Variants in MACROD1 observed in about 807,000 individuals in gnomAD.
MACROD1 encodes ADP-ribose glycohydrolase MACROD1.
In MACROD1, 31 loss-of-function variants were observed where a neutral mutation model predicts 41.4. The ratio of observed to expected loss-of-function variants is 0.75; its 90% confidence interval spans 0.56 to 1.01. The LOEUF is 1.01. MACROD1 is among the 50% of genes least tolerant of loss of function. The probability of loss-of-function intolerance (pLI) is 0.00; values close to 1 mark genes in which losing one functional copy is unlikely to be tolerated. For synonymous variants in MACROD1, 252 were observed against 203.4 expected (o/e 1.24, Z -2.03); for missense variants, 473 against 460.0 (o/e 1.03, Z -0.26).
chr11:63,999,440 TG>T, intron 7 of MACROD1, 36 bp from the exon 8 acceptor site: 1 of 1,558,404 alleles, frequency 6.4e-7, no homozygotes, highest in Non-Finnish European at 8.7e-7. Context: ...TCCTAGGCTC[TG>T]GCCCCGCCCA....
At chr11:64,008,422 C>T (rs1201590584) in intron 4 of MACROD1, among the ~76,000 whole-genome samples, 7 of 2,566 alleles carry the variant, frequency 2.7e-3, no homozygotes, top group Admixed American at 0.012. Context: ...GGTTAGGGTG[C>T]GGGCGCGGGA....
intron 3 of MACROD1, among the ~76,000 whole-genome samples, chr11:64,110,258 TG>T (rs1944837263): frequency 6.6e-6 from 1 of 152,022 alleles, no homozygotes; most frequent in South Asian, 2.1e-4. Context: ...AAGACCAGCC[TG>T]GGCAACATAG....
intron 3 of MACROD1, among the ~76,000 whole-genome samples, chr11:64,119,831 T>C (rs1727729941): frequency 6.6e-6 from 1 of 152,094 alleles, no homozygotes; most frequent in Non-Finnish European, 1.5e-5. Flanking sequence ...TGGTGAGCCA[T>C]GAGATTAAAA....
At chr11:64,060,961 C>CCCGGGCCGCCAGGCGA (rs1943890633) in intron 3 of MACROD1, among the ~76,000 whole-genome samples, 2 of 151,848 alleles carry the variant, frequency 1.3e-5, no homozygotes, top group South Asian at 4.1e-4. Flanking sequence ...CGGCGGGGCT[C>CCCGGGCCGCCAGGCGA]CCGGGCCGCC....
At position 64,096,966 on chromosome 11, in the gene MACROD1, C is replaced by T. The variant is rs1278825583; in HGVS notation, c.517+54273G>A. On this transcript the variant is annotated intron_variant, in intron 3 of 10. Transcript: ENST00000255681. The surrounding 1 kb of genome is among the most constrained non-coding windows in gnomAD (Gnocchi z 4.6). The stretch of plus-strand genomic sequence containing the variant: ...CACCCACTCTCTCAGCGTCTGGGCC[C>T]GGGAGTTCCTGCCTACCCTTGCTGG... Among the ~76,000 whole-genome samples the T allele has an allele frequency of 1.3e-5, 2 of 152,240 alleles. No homozygotes were observed. The highest frequency in any genetic ancestry group is 2.1e-4 in the South Asian group (1 of 4,828).
chr11:64,000,497 C>A (rs1219683991), intron 4 of MACROD1, among the ~76,000 whole-genome samples, 154 bp from the exon 5 acceptor site: 1 of 152,094 alleles, frequency 6.6e-6, no homozygotes, highest in Non-Finnish European at 1.5e-5. Context: ...TGCCCCCACC[C>A]CCGCCCGGAA....
Position 64,041,454 on chromosome 11 carries a change from TGAG to T in MACROD1, c.518-26176_518-26174del, listed in dbSNP as rs201575750. ...TTCCTGGGGGAGGTCAGCCAGGGGC[TGAG>T]GAGGAGAGGAGAGCTCAGGGGAGTG... On this transcript the variant is annotated intron_variant, in intron 3 of 10. Coordinates refer to ENST00000255681, the MANE Select transcript of MACROD1 (RefSeq NM_014067.4). 7.5e-3 allele frequency among the ~76,000 whole-genome samples: 1,134 copies of T among 151,390 alleles called. 16 individuals carry two copies. Among genetic ancestry groups the T allele is most frequent in the African/African-American group, 0.026 (1,080 of 41,192 alleles).
chr11:64,011,915 G>A (rs896302648), intron 4 of MACROD1, among the ~76,000 whole-genome samples: 1 of 151,994 alleles, frequency 6.6e-6, no homozygotes, highest in African/African-American at 2.4e-5. Flanking sequence ...GAGGAGCAGG[G>A]GTATAGGGGA....
At chr11:64,086,721 AG>A (rs1264777525) in intron 3 of MACROD1, among the ~76,000 whole-genome samples, 1 of 152,150 alleles carries the variant, frequency 6.6e-6, no homozygotes, top group African/African-American at 2.4e-5. Context: ...TGAAGAAGGA[AG>A]GTTCTCGTGC....
At chr11:64,045,429 A>G (rs1307788199) in intron 3 of MACROD1, among the ~76,000 whole-genome samples, 1 of 152,220 alleles carries the variant, frequency 6.6e-6, no homozygotes, top group Non-Finnish European at 1.5e-5. Context: ...TGAAGAGCGC[A>G]GGAGAGAGGA....
At chr11:64,009,658 G>A (rs1178861615) in intron 4 of MACROD1, among the ~76,000 whole-genome samples, 1 of 152,070 alleles carries the variant, frequency 6.6e-6, no homozygotes, top group Non-Finnish European at 1.5e-5. Context: ...GGTGTGGTGG[G>A]TGGGGGTCCA....
chr11:64,044,086 G>A (rs1328269183), intron 3 of MACROD1, among the ~76,000 whole-genome samples: 6 of 151,956 alleles, frequency 3.9e-5, no homozygotes, highest in East Asian at 1.9e-4. Context: ...AAAGTGCTGC[G>A]GTTACAGGTG....
At chr11:64,125,858 G>A (rs1945171007) in intron 3 of MACROD1, among the ~76,000 whole-genome samples, 1 of 152,202 alleles carries the variant, frequency 6.6e-6, no homozygotes, top group African/African-American at 2.4e-5. Context: ...TGCTGCCCCC[G>A]CAGAATCCCT....
At chr11:64,051,442 C>A (rs1357925405) in intron 3 of MACROD1, among the ~76,000 whole-genome samples, 3 of 152,192 alleles carry the variant, frequency 2.0e-5, no homozygotes, top group Non-Finnish European at 4.4e-5. Context: ...CCCACCCTCC[C>A]CAGGGTGGCA....
At chr11:64,050,479 G>A (rs1173060421) in intron 3 of MACROD1, among the ~76,000 whole-genome samples, 1 of 152,210 alleles carries the variant, frequency 6.6e-6, no homozygotes, top group Non-Finnish European at 1.5e-5. Flanking sequence ...CCCCTTCCTG[G>A]CTGTGTGGCC....
intron 4 of MACROD1, among the ~76,000 whole-genome samples, chr11:64,004,736 T>C (rs1475921618): frequency 6.6e-6 from 1 of 151,732 alleles, no homozygotes; most frequent in Non-Finnish European, 1.5e-5. Context: ...CCTCTCTGAG[T>C]CTCAGAGCTC....
chr11:64,124,199 G>A (rs1169698448), intron 3 of MACROD1, among the ~76,000 whole-genome samples: 3 of 152,188 alleles, frequency 2.0e-5, no homozygotes, highest in Non-Finnish European at 4.4e-5. Flanking sequence ...CCCCTTTCCA[G>A]AGTCTAAACT....
intron 1 of MACROD1, among the ~76,000 whole-genome samples, chr11:64,157,578 A>G (rs1945688346): frequency 6.6e-6 from 1 of 152,230 alleles, no homozygotes; most frequent in Non-Finnish European, 1.5e-5. Context: ...AGATGTCCGC[A>G]GTAAATTTTG....
chr11:64,094,057 G>T (rs749721112), intron 3 of MACROD1, among the ~76,000 whole-genome samples: 15 of 152,220 alleles, frequency 9.9e-5, no homozygotes, highest in Non-Finnish European at 1.9e-4. Context: ...AGCACTTTGG[G>T]AGGCCAAGCC....
Sources: allele counts gnomAD v4.1 joint callset (sites outside exome capture counted in the v4.1 genomes callset), GRCh38; gene constraint gnomAD v4.1.1; non-coding constraint Gnocchi (gnomAD v3.1); transcripts MANE v1.5; gene names NCBI Gene and HGNC (gene_info 2026-07-23, HGNC 2026-07-21).